The following XXYLT1 variants were observed in gnomAD, a reference collection of about 807,000 sequenced individuals.
XXYLT1 encodes the protein UDP-xylose:alpha-xyloside alpha-1,3-xylosyltransferase.
XXYLT1 carries 20 observed loss-of-function variants against 28.9 expected under a neutral mutation model. That is an observed-to-expected ratio of 0.69 (90% confidence interval 0.49 to 1.00). XXYLT1 has a LOEUF of 1.00. Ranked by LOEUF, XXYLT1 falls within the 50% of genes least tolerant of loss-of-function variation. The pLI is 0.00. For synonymous variants in XXYLT1, 257 were observed against 253.8 expected, an observed-to-expected ratio of 1.01 and a Z score of -0.12; for missense variants, 542 against 560.1, an observed-to-expected ratio of 0.97 and a Z score of 0.33.
At chr3:195,236,482 C>T (rs186401854) in intron 1 of XXYLT1, among the ~76,000 whole-genome samples, 55 of 152,196 alleles carry the variant, frequency 3.6e-4, no homozygotes, top group African/African-American at 1.3e-3. Context: ...CTGGGACTCT[C>T]TTCAGGGCAG....
intron 3 of XXYLT1, among the ~76,000 whole-genome samples, chr3:195,071,509 C>T (rs1333862513): frequency 2.6e-5 from 4 of 152,164 alleles, no homozygotes; most frequent in South Asian, 2.1e-4. Flanking sequence ...GGAAGCATTC[C>T]CTCCGGACAT....
intron 3 of XXYLT1, among the ~76,000 whole-genome samples, chr3:195,136,268 C>CCA (rs542593651): frequency 6.9e-4 from 105 of 152,304 alleles, no homozygotes; most frequent in African/African-American, 2.4e-3. Context: ...CTCAGTGCTC[C>CCA]TATAGGTTTG....
chr3:195,102,876 A>G (rs1716869752), intron 3 of XXYLT1, among the ~76,000 whole-genome samples: 1 of 152,210 alleles, frequency 6.6e-6, no homozygotes, highest in Non-Finnish European at 1.5e-5. Context: ...TTATTTCTTT[A>G]GGAATTTCCA....
At chr3:195,110,759 AGTGTGTGTGGT>A (rs370436096) in intron 3 of XXYLT1, among the ~76,000 whole-genome samples, 50,399 of 80,572 alleles carry the variant, frequency 0.63, 14,128 homozygotes, top group Middle Eastern at 0.73. Context: ...GTGGTGTATA[AGTGTGTGTGGT>A]GTGTGTGTGG....
chr3:195,156,496 C>T lies in XXYLT1; in HGVS notation c.738G>A (p.Leu246=). 1.2e-6 allele frequency: 2 copies of T among 1,614,224 alleles called. No homozygotes were observed. The highest frequency in any genetic ancestry group is 1.7e-6 in the Non-Finnish European group (2 of 1,180,044). The change falls in exon 3 of 4, where the codon CTG becomes CTA. Residue 246 remains leucine (L), a synonymous_variant. Transcript: ENST00000310380. ...GGGCTATGCCGATGATGGCGCCTGG[C>T]AGGAAACTGTCAAATTCCTCAAACA... is the stretch of plus-strand genomic sequence containing the variant. ...RELFEEFDSF[L]PGAIIGIARE...
chr3:195,200,191 G>A (rs1235206356), intron 2 of XXYLT1, among the ~76,000 whole-genome samples: 3 of 152,144 alleles, frequency 2.0e-5, no homozygotes, highest in African/African-American at 7.2e-5. Context: ...GTGAAGCAGC[G>A]CGGTTCCAGA....
chr3:195,143,852 A>C lies in XXYLT1; in HGVS notation c.785+12597T>G, dbSNP rs1408959078. On this transcript the variant is annotated intron_variant, in intron 3 of 3. Coordinates refer to ENST00000310380, the MANE Select transcript of XXYLT1 (RefSeq NM_152531.5). ...TATAGATATAGATATAGATATATAT[A>C]TAGATATATATAGATATAGATATAT... Among the ~76,000 whole-genome samples, 45 of 97,408 alleles carry C rather than the reference A, an allele frequency of 4.6e-4. 4 individuals carry two copies. The highest frequency in any genetic ancestry group is 1.7e-3 in the African/African-American group (41 of 23,594). The allele number at this position is 97,408 out of a possible 152,430, so 63.9% of individuals were successfully genotyped here. A position where few individuals can be genotyped will look rare whatever the true frequency, so the allele number is the denominator to read the frequency against.
At chr3:195,117,136 C>CACACACACAT (rs1385834823) in intron 3 of XXYLT1, among the ~76,000 whole-genome samples, 7 of 144,768 alleles carry the variant, frequency 4.8e-5, no homozygotes, top group African/African-American at 1.8e-4. Flanking sequence ...CACACACACA[C>CACACACACAT]ACACACATCC....
intron 1 of XXYLT1, among the ~76,000 whole-genome samples, chr3:195,247,413 C>A (rs1205094655): frequency 1.3e-5 from 2 of 152,280 alleles, no homozygotes; most frequent in African/African-American, 4.8e-5. Flanking sequence ...ATGAGTAACA[C>A]CCAAAGGAGG....
intron 2 of XXYLT1, among the ~76,000 whole-genome samples, chr3:195,164,127 GA>G: frequency 6.6e-6 from 1 of 152,308 alleles, no homozygotes; most frequent in East Asian, 1.9e-4. Context: ...TATAGAGCAG[GA>G]ACTAGCAGTA....
In XXYLT1 at chr3:195,267,458, A is replaced by C. The variant is rs1725879120; in HGVS notation, c.504+3097T>G. ...CAGAAAGCCTTGGGCGAGTTTCCTC[A>C]CCTGTCATGCTATATACTCCAAATC... is the stretch of plus-strand genomic sequence containing the variant. On this transcript the variant is annotated intron_variant, in intron 1 of 3. Coordinates refer to ENST00000310380, the MANE Select transcript of XXYLT1 (RefSeq NM_152531.5). 2.6e-5 allele frequency among the ~76,000 whole-genome samples: 4 copies of C among 152,336 alleles called. No homozygotes were observed. The South Asian group carries it at 8.3e-4, about 32-fold the overall frequency.
chr3:195,110,439 A>ATGTAGTGTAAAGTGTGTGGTGTGTTG (rs1717556614), intron 3 of XXYLT1, among the ~76,000 whole-genome samples: 1 of 7,830 alleles, frequency 1.3e-4, no homozygotes, highest in African/African-American at 5.1e-4. Flanking sequence ...GTGCGTGTGT[A>ATGTAGTGTAAAGTGTGTGGTGTGTTG]TGTGGTGTAA....
chr3:195,088,379 T>TGACCCCA (rs1560088049), intron 3 of XXYLT1, among the ~76,000 whole-genome samples: 1 of 147,036 alleles, frequency 6.8e-6, no homozygotes, highest in Non-Finnish European at 1.5e-5. Flanking sequence ...CCCTGACCCC[T>TGACCCCA]GACCCCCGAG....
At chr3:195,259,624 A>T in intron 1 of XXYLT1, 1 of 985,420 alleles carries the variant, frequency 1.0e-6, no homozygotes, top group Non-Finnish European at 1.2e-6. Context: ...GTCGCGTGCG[A>T]CAGGCCTGTA....
At chr3:195,163,546 T>C (rs896135166) in intron 2 of XXYLT1, among the ~76,000 whole-genome samples, 2 of 152,250 alleles carry the variant, frequency 1.3e-5, no homozygotes, top group Non-Finnish European at 2.9e-5. Flanking sequence ...TTCTATGGCA[T>C]GTTGCAACGT....
At chr3:195,090,399 A>C (rs1477253965) in intron 3 of XXYLT1, among the ~76,000 whole-genome samples, 6 of 151,094 alleles carry the variant, frequency 4.0e-5, no homozygotes, top group Non-Finnish European at 1.5e-5. Flanking sequence ...AACTACACGG[A>C]AACTGAACAA....
At position 195,240,531 on chromosome 3, in the gene XXYLT1, A is replaced by C. The variant is rs1724730229; in HGVS notation, c.505-13675T>G. ...TCGCAGCCACACTCCTGAGCCAAGAAGGCACGTGGCAAGGGCTGGCCCCAC... is the reference window on the plus strand; with the variant it reads ...TCGCAGCCACACTCCTGAGCCAAGACGGCACGTGGCAAGGGCTGGCCCCAC... On this transcript the variant is annotated intron_variant, in intron 1 of 3. Coordinates refer to ENST00000310380, the MANE Select transcript of XXYLT1 (RefSeq NM_152531.5). The surrounding 1 kb of genome is among the most constrained non-coding windows in gnomAD (Gnocchi z 4.7). Among the ~76,000 whole-genome samples the C allele has an allele frequency of 6.6e-6, 1 of 152,262 alleles. No individual in the cohort carries two copies. Among genetic ancestry groups the C allele is most frequent in the Non-Finnish European group, 1.5e-5 (1 of 68,046 alleles).
intron 1 of XXYLT1, among the ~76,000 whole-genome samples, chr3:195,268,462 G>A (rs1350845499): frequency 4.6e-5 from 7 of 151,170 alleles, no homozygotes; most frequent in East Asian, 1.9e-4. Context: ...TTTAGCCAGC[G>A]TGGTGGTGGG....
chr3:195,197,460 AG>A (rs1049890014), intron 2 of XXYLT1, among the ~76,000 whole-genome samples: 1 of 151,416 alleles, frequency 6.6e-6, no homozygotes, highest in African/African-American at 2.4e-5. Flanking sequence ...AAAAAAAAAA[AG>A]CTATGTTATT....
Sources: allele counts gnomAD v4.1 joint callset (sites outside exome capture counted in the v4.1 genomes callset), GRCh38; gene constraint gnomAD v4.1.1; non-coding constraint Gnocchi (gnomAD v3.1); transcripts MANE v1.5; gene names NCBI Gene and HGNC (gene_info 2026-07-23, HGNC 2026-07-21).